Variants in DDX19A observed in about 807,000 individuals in gnomAD.
DDX19A encodes the protein DEAD-box helicase 19A, also known as ATP-dependent RNA helicase DDX19A.
DDX19A carries 12 observed loss-of-function variants against 60.6 expected under a neutral mutation model. That is an observed-to-expected ratio of 0.20 (90% CI 0.13 to 0.32). The LOEUF (loss-of-function observed/expected upper bound fraction) is 0.32. DDX19A is among the 10% of genes least tolerant of loss of function. DDX19A has a pLI of 1.00. For synonymous variants in DDX19A, 206 were observed against 218.2 expected (o/e 0.94, Z 0.49); for missense variants, 337 against 600.6 (o/e 0.56, Z 4.59).
chr16:70,347,013 C>T lies in DDX19A; in HGVS notation c.22C>T (p.Leu8=), dbSNP rs1963851571. The T allele has an allele frequency of 1.2e-6, 2 of 1,612,778 alleles. No individual in the cohort carries two copies. The highest frequency in any genetic ancestry group is 1.7e-5 in the Admixed American group (1 of 59,920). The change falls in exon 1 of 12, where the codon CTG becomes TTG. Residue 8 remains leucine (L), a synonymous_variant. Transcript: ENST00000302243. Reference sequence around the variant, plus strand: ...GACTATGGCCACCGACTCGTGGGCCCTGGCGGTGGACGAGCAGGAAGCGGC... The same window carrying T: ...GACTATGGCCACCGACTCGTGGGCCTTGGCGGTGGACGAGCAGGAAGCGGC... MATDSWA[L]AVDEQEAAVK... is the part of the protein sequence containing the mutation.
intron 9 of DDX19A, 147 bp downstream of exon 9, chr16:70,367,008 G>GTAA: frequency 1.1e-6 from 1 of 910,954 alleles, no homozygotes. Flanking sequence ...TTTAGTGGGG[G>GTAA]TAATGGTAGT....
chr16:70,356,007 C>T (rs1441325760), intron 3 of DDX19A, 105 bp from the exon 4 acceptor site: 16 of 1,434,704 alleles, frequency 1.1e-5, no homozygotes, highest in South Asian at 4.9e-5. Context: ...TTTCTCCAGC[C>T]GTGCTTGACT....
intron 4 of DDX19A, among the ~76,000 whole-genome samples, chr16:70,357,366 G>GTTTTTTTTTGTTTTTTTTTTTTTT (rs1964237650): frequency 2.2e-5 from 1 of 44,596 alleles, no homozygotes; most frequent in African/African-American, 8.9e-5. Flanking sequence ...TTTTTGGTTT[G>GTTTTTTTTTGTTTTTTTTTTTTTT]TTTTTTTTTT....
chr16:70,368,713 A>T (rs1964592195), intron 9 of DDX19A, among the ~76,000 whole-genome samples: 1 of 151,510 alleles, frequency 6.6e-6, no homozygotes, highest in African/African-American at 2.4e-5. Flanking sequence ...TGCCCAGCTC[A>T]TCTTTATTGC....
At chr16:70,369,121 C>T (rs1964604851) in intron 9 of DDX19A, among the ~76,000 whole-genome samples, 3 of 151,648 alleles carry the variant, frequency 2.0e-5, no homozygotes, top group South Asian at 4.2e-4. Flanking sequence ...CCCGCCTCGG[C>T]CTCCCAAAGT....
At position 70,365,016 on chromosome 16, in the gene DDX19A, G is replaced by T; in HGVS notation, c.490-1G>T. 1.9e-6 allele frequency: 3 copies of T among 1,613,320 alleles called. No individual in the cohort carries two copies. Among genetic ancestry groups the T allele is most frequent in the Non-Finnish European group, 2.5e-6 (3 of 1,179,420 alleles). ...CTCATCCTTTATGATTTTTCTGTCAGTGTCTGTGCCTCTCCCCAACATATG... is the reference window on the plus strand; with the variant it reads ...CTCATCCTTTATGATTTTTCTGTCATTGTCTGTGCCTCTCCCCAACATATG... On this transcript the variant is annotated splice_acceptor_variant, in intron 6 of 11. Transcript: ENST00000302243. LOFTEE classifies it high-confidence loss of function.
In DDX19A at chr16:70,372,431, C is replaced by G. The variant is rs1286816074; in HGVS notation, c.*445C>G. 4.5e-6 allele frequency: 1 copy of G among 221,876 alleles called. No homozygotes were observed. Among genetic ancestry groups the G allele is most frequent in the African/African-American group, 2.3e-5 (1 of 42,972 alleles). 13.7% of individuals were successfully genotyped at this position (221,876 alleles called of 1,614,324 possible). On this transcript the variant is annotated 3_prime_UTR_variant, in exon 12 of 12. Transcript: ENST00000302243. ...GGAAGTGGCAGCAGAGAGGCCAGAG[C>G]TGCCCCCTCTCTGTCTCTTCAATGG...
intron 2 of DDX19A, among the ~76,000 whole-genome samples, 168 bp downstream of exon 2, chr16:70,350,773 T>C (rs1963986505): frequency 7.3e-6 from 1 of 136,798 alleles, no homozygotes; most frequent in African/African-American, 2.4e-5. Flanking sequence ...CCACATTTTA[T>C]CCTTTGACTT....
At chr16:70,364,236 TTAC>T in intron 5 of DDX19A, 1 of 273,882 alleles carries the variant, frequency 3.7e-6, no homozygotes, top group South Asian at 5.5e-5. Context: ...GGCACAGATC[TTAC>T]TCTGCACACT....
chr16:70,356,070 T>G, intron 3 of DDX19A, 42 bp from the exon 4 acceptor site: 1 of 1,610,804 alleles, frequency 6.2e-7, no homozygotes, highest in Non-Finnish European at 8.5e-7. Flanking sequence ...AGCCTGGGGT[T>G]TGCCAGATGA....
At chr16:70,356,302 A>C in intron 4 of DDX19A, 55 bp downstream of exon 4, 1 of 1,596,114 alleles carries the variant, frequency 6.3e-7, no homozygotes, top group South Asian at 1.1e-5. Flanking sequence ...CCCACATAAA[A>C]CTTAGCATCT....
intron 9 of DDX19A, among the ~76,000 whole-genome samples, chr16:70,369,173 GTTTTTTTTTTTTTTTT>G (rs560443179): frequency 2.1e-5 from 2 of 96,342 alleles, no homozygotes; most frequent in African/African-American, 9.3e-5. Context: ...GGCCAATCTG[GTTTTTTTTTTTTTTTT>G]TTTTTTTTTG....
chr16:70,356,650 G>A (rs894104422), intron 4 of DDX19A, among the ~76,000 whole-genome samples: 7 of 151,942 alleles, frequency 4.6e-5, no homozygotes, highest in African/African-American at 1.7e-4. Flanking sequence ...GAGCCACCGT[G>A]CCTGGCTATT....
intron 1 of DDX19A, 102 bp from the exon 2 acceptor site, chr16:70,350,455 A>G: frequency 1.3e-6 from 1 of 769,798 alleles, no homozygotes; most frequent in Non-Finnish European, 2.1e-6. Context: ...ACTGGTGCTG[A>G]AAGTTTCACA....
At chr16:70,361,706 T>G (rs561124004) in intron 5 of DDX19A, 196 bp downstream of exon 5, 2 of 531,702 alleles carry the variant, frequency 3.8e-6, no homozygotes, top group East Asian at 3.3e-5. Context: ...TAGAAACTTA[T>G]AGAGAAAGGT....
chr16:70,364,810 C>T lies in DDX19A; in HGVS notation c.489+165C>T, dbSNP rs184852041. 168 of 675,230 alleles carry T rather than the reference C, an allele frequency of 2.5e-4. No homozygotes were observed. The African/African-American group carries it at 2.9e-3, about 12-fold the overall frequency. The allele number at this position is 675,230 out of a possible 1,614,324, so 41.8% of individuals were successfully genotyped here. A position where few individuals can be genotyped will look rare whatever the true frequency, so the allele number is the denominator to read the frequency against. On this transcript the variant is annotated intron_variant, in intron 6 of 11. Coordinates refer to ENST00000302243, the MANE Select transcript of DDX19A (RefSeq NM_018332.5). ...TGACCTGGGAGAATGTGCTTGAAAG[C>T]AGCAGCCTTAGACCATGGCTTGCAA...
At chr16:70,367,003 TG>T in intron 9 of DDX19A, 142 bp downstream of exon 9, 5 of 962,300 alleles carry the variant, frequency 5.2e-6, no homozygotes, top group Non-Finnish European at 8.0e-6. Context: ...TCTCCTTTAG[TG>T]GGGGTAATGG....
chr16:70,353,900 CAAAA>C (rs564352365), intron 2 of DDX19A, among the ~76,000 whole-genome samples: 2 of 71,698 alleles, frequency 2.8e-5, no homozygotes, highest in Non-Finnish European at 3.2e-5. Flanking sequence ...GACTCTGTCT[CAAAA>C]AAAAAAAAAA....
rs1049100905 is a variant in DDX19A at position 70,350,733 on chromosome 16, A to G, written c.106+128A>G. The G allele has an allele frequency of 1.2e-5, 8 of 649,642 alleles. No individual in the cohort carries two copies. In the Admixed American group the frequency reaches 2.1e-4, roughly 17 times the overall value. The allele number at this position is 649,642 out of a possible 1,614,324, so 40.2% of individuals were successfully genotyped here. ...AGCTGTTTACAAGCCAGTGAATTAG[A>G]TTTTGTTACTGAAGGGATATGTCGA... On this transcript the variant is annotated intron_variant, in intron 2 of 11. Coordinates refer to ENST00000302243, the MANE Select transcript of DDX19A (RefSeq NM_018332.5).
Sources: allele counts gnomAD v4.1 joint callset (sites outside exome capture counted in the v4.1 genomes callset), GRCh38; gene constraint gnomAD v4.1.1; transcripts MANE v1.5; gene names NCBI Gene and HGNC (gene_info 2026-07-23, HGNC 2026-07-21).